AGTPBP1: variants seen among roughly 807,000 people sequenced by gnomAD.
AGTPBP1 encodes the protein ATP/GTP binding carboxypeptidase 1, also known as cytosolic carboxypeptidase 1.
In AGTPBP1, 70 loss-of-function variants were observed where a neutral mutation model predicts 143.9. The ratio of observed to expected loss-of-function variants is 0.49; its 90% CI spans 0.40 to 0.59. The LOEUF is 0.59. Ranked by LOEUF, AGTPBP1 falls within the 20% of genes least tolerant of loss-of-function variation. The pLI is 0.00. For synonymous variants in AGTPBP1, 463 were observed against 500.2 expected, an observed-to-expected ratio of 0.93 and a Z score of 0.99; for missense variants, 1,229 against 1,464.5, an observed-to-expected ratio of 0.84 and a Z score of 2.62.
intron 2 of AGTPBP1, among the ~76,000 whole-genome samples, chr9:85,702,604 T>C (rs1178736846): frequency 6.6e-6 from 1 of 152,060 alleles, no homozygotes; most frequent in Non-Finnish European, 1.5e-5. Context: ...TTTATGAGAA[T>C]TTTCACCTGC....
intron 8 of AGTPBP1, 129 bp from the exon 9 acceptor site, chr9:85,661,102 G>T: frequency 1.4e-6 from 1 of 712,846 alleles, no homozygotes; most frequent in Non-Finnish European, 2.2e-6. Context: ...TCTTGTTTAA[G>T]ATAATTACAC....
intron 8 of AGTPBP1, 23 bp from the exon 9 acceptor site, chr9:85,660,996 C>CA (rs749127671): frequency 6.3e-7 from 1 of 1,577,076 alleles, no homozygotes; most frequent in South Asian, 1.2e-5. Context: ...CAAGAAAACA[C>CA]AAACAACAAC....
intron 9 of AGTPBP1, 46 bp from the exon 10 acceptor site, chr9:85,657,689 A>C (rs1833611233): frequency 7.1e-7 from 1 of 1,401,684 alleles, no homozygotes. Flanking sequence ...AAATGACGAG[A>C]GTGAGTGGTA....
chr9:85,705,897 A>G (rs572698426), intron 2 of AGTPBP1, among the ~76,000 whole-genome samples: 803 of 151,988 alleles, frequency 5.3e-3, no homozygotes, highest in Middle Eastern at 0.01. Context: ...TCACCATGTT[A>G]GCCAGGATGG....
intron 2 of AGTPBP1, among the ~76,000 whole-genome samples, chr9:85,712,142 G>A (rs1055176983): frequency 6.6e-6 from 1 of 152,064 alleles, no homozygotes; most frequent in Non-Finnish European, 1.5e-5. Flanking sequence ...GTGGGTGCCT[G>A]TAATCCCAGC....
chr9:85,615,608 T>G (rs868325485), intron 17 of AGTPBP1, among the ~76,000 whole-genome samples: 1 of 151,998 alleles, frequency 6.6e-6, no homozygotes, highest in African/African-American at 2.4e-5. Flanking sequence ...TGTAAAAGAG[T>G]AAAACTTAAT....
At chr9:85,730,828 T>A (rs1260839015) in intron 1 of AGTPBP1, among the ~76,000 whole-genome samples, 1 of 152,232 alleles carries the variant, frequency 6.6e-6, no homozygotes, top group Non-Finnish European at 1.5e-5. Context: ...AAATCTCTTA[T>A]TACTCCAATC....
In AGTPBP1 at chr9:85,619,198, A is replaced by C. The variant is rs187598911; in HGVS notation, c.2186+17T>G. On this transcript the variant is annotated intron_variant, in intron 16 of 25. Coordinates refer to ENST00000357081, the MANE Select transcript of AGTPBP1 (RefSeq NM_001330701.2). Reference sequence around the variant, plus strand: ...TATCTGTGCACATACAAAATGAGAAAATCTTAAGTGACTTACTTTCTAATT... The same window carrying C: ...TATCTGTGCACATACAAAATGAGAACATCTTAAGTGACTTACTTTCTAATT... The C allele has an allele frequency of 4.8e-3, 7,724 of 1,610,180 alleles. 32 individuals are homozygous for C. The highest frequency in any genetic ancestry group is 6.2e-3 in the Non-Finnish European group (7,248 of 1,178,278).
At chr9:85,574,235 T>C (rs1292059703) in intron 25 of AGTPBP1, among the ~76,000 whole-genome samples, 1 of 152,096 alleles carries the variant, frequency 6.6e-6, no homozygotes, top group African/African-American at 2.4e-5. Context: ...TTAAGGGCGG[T>C]GCAAGATGTG....
the AGTPBP1 span, chr9:85,774,065 A>C: frequency 7.0e-7 from 1 of 1,430,850 alleles, no homozygotes; most frequent in Non-Finnish European, 9.9e-7. Context: ...AGTTATGTAA[A>C]GTTGATGTGT....
intron 14 of AGTPBP1, 40 bp from the exon 15 acceptor site, chr9:85,621,325 A>G (rs781569491): frequency 3.1e-6 from 3 of 972,992 alleles, no homozygotes; most frequent in East Asian, 2.9e-5. Flanking sequence ...ATTATTATAC[A>G]CTAATGTACA....
At chr9:85,627,087 G>C (rs140097330) in intron 14 of AGTPBP1, among the ~76,000 whole-genome samples, 10 of 152,230 alleles carry the variant, frequency 6.6e-5, no homozygotes, top group Non-Finnish European at 1.5e-4. Flanking sequence ...ACAGAGAGGT[G>C]AATCAAAAGA....
chr9:85,739,528 G>A (rs553028952), intron 1 of AGTPBP1, among the ~76,000 whole-genome samples: 1 of 151,778 alleles, frequency 6.6e-6, no homozygotes, highest in African/African-American at 2.4e-5. Flanking sequence ...GGGTAACATG[G>A]TGAAACCCCG....
intron 14 of AGTPBP1, among the ~76,000 whole-genome samples, chr9:85,625,904 G>GTTTTTTT (rs368474275): frequency 1.2e-4 from 13 of 105,678 alleles, no homozygotes; most frequent in Middle Eastern, 6.0e-3. Context: ...ACCTAGTTTT[G>GTTTTTTT]TTTTTTTTTT....
At chr9:85,576,412 G>A (rs1242185310) in intron 24 of AGTPBP1, among the ~76,000 whole-genome samples, 1 of 152,120 alleles carries the variant, frequency 6.6e-6, no homozygotes, top group Non-Finnish European at 1.5e-5. Context: ...TACTCTACAT[G>A]AAGCACATGA....
chr9:85,710,438 C>T (rs907194991), intron 2 of AGTPBP1, among the ~76,000 whole-genome samples: 1 of 151,922 alleles, frequency 6.6e-6, no homozygotes, highest in Admixed American at 6.6e-5. Context: ...AAATTCAAAA[C>T]AAAGCCTGGA....
At chr9:85,585,686 C>T (rs1828559773) in intron 22 of AGTPBP1, 92 bp from the exon 23 acceptor site, 1 of 1,034,570 alleles carries the variant, frequency 9.7e-7, no homozygotes, top group South Asian at 2.5e-5. Flanking sequence ...ACATGTAGGT[C>T]TGTGTTCCTT....
Position 85,618,604 on chromosome 9 carries a change from G to T in AGTPBP1, c.2335+379C>A, listed in dbSNP as rs763505760. 1.8e-4 allele frequency among the ~76,000 whole-genome samples: 27 copies of T among 151,110 alleles called. 1 individual carries two copies. Among genetic ancestry groups the T allele is most frequent in the Non-Finnish European group, 2.7e-4 (18 of 67,846 alleles). The stretch of plus-strand genomic sequence containing the variant: ...CCCACTTGGGATTTGTTTATCCCAA[G>T]TGGGGTTTATTCCAAATGAAAAAGG... On this transcript the variant is annotated intron_variant, in intron 17 of 25. Coordinates refer to ENST00000357081, the MANE Select transcript of AGTPBP1 (RefSeq NM_001330701.2).
intron 18 of AGTPBP1, among the ~76,000 whole-genome samples, chr9:85,594,756 AT>A (rs1412189989): frequency 6.6e-6 from 1 of 152,220 alleles, no homozygotes; most frequent in Non-Finnish European, 1.5e-5. Flanking sequence ...AATTAAAAAT[AT>A]AAAAATCTTT....
Sources: allele counts gnomAD v4.1 joint callset (sites outside exome capture counted in the v4.1 genomes callset), GRCh38; gene constraint gnomAD v4.1.1; transcripts MANE v1.5; gene names NCBI Gene and HGNC (gene_info 2026-07-23, HGNC 2026-07-21).